ITPR2: variants seen among roughly 807,000 people sequenced by gnomAD.
The protein encoded by ITPR2 is inositol 1,4,5-trisphosphate-gated calcium channel ITPR2.
Under a neutral mutation model 317.1 loss-of-function variants are expected in ITPR2, and 207 were observed. The observed-to-expected ratio is 0.65, with a 90% CI of 0.58 to 0.73. ITPR2 has a LOEUF of 0.73. Ranked by LOEUF, ITPR2 falls within the 30% of genes least tolerant of loss-of-function variation. The pLI is 0.00. For missense variants in ITPR2, 2,613 were observed against 3,284.0 expected (o/e 0.80, Z 4.99); for synonymous variants, 1,156 against 1,149.1 (o/e 1.01, Z -0.12).
At chr12:26,659,005 C>A in intron 16 of ITPR2, 108 bp downstream of exon 16, 1 of 782,870 alleles carries the variant, frequency 1.3e-6, no homozygotes, top group Non-Finnish European at 2.1e-6. Context: ...CATAGTTCGT[C>A]CATAAAAGTT....
chr12:26,400,262 TA>T lies in ITPR2; in HGVS notation c.7400-5del. The T allele has an allele frequency of 1.3e-6, 2 of 1,505,478 alleles. No individual in the cohort carries two copies. The highest frequency in any genetic ancestry group is 1.4e-5 in the South Asian group (1 of 70,550). The allele number at this position is 1,505,478 out of a possible 1,614,324, so 93.3% of individuals were successfully genotyped here. ...CCATCTTCATACTCTTCATCAGCTA[TA>T]AAAACACATACAAATATATGATATA... On this transcript the variant is annotated splice_polypyrimidine_tract_variant and splice_region_variant and intron_variant, in intron 52 of 56. Coordinates refer to ENST00000381340, the MANE Select transcript of ITPR2 (RefSeq NM_002223.4).
At chr12:26,558,704 G>A (rs144003483) in intron 35 of ITPR2, among the ~76,000 whole-genome samples, 25 of 152,070 alleles carry the variant, frequency 1.6e-4, no homozygotes, top group Non-Finnish European at 2.9e-4. Context: ...ATTTTCTTCC[G>A]AGAAATCTCA....
At chr12:26,768,727 C>A (rs1357165538) in intron 2 of ITPR2, among the ~76,000 whole-genome samples, 2 of 151,930 alleles carry the variant, frequency 1.3e-5, no homozygotes, top group Non-Finnish European at 2.9e-5. Flanking sequence ...AATCAGAGTT[C>A]AAGTTGCATA....
chr12:26,813,751 T>C (rs567186174), intron 1 of ITPR2, among the ~76,000 whole-genome samples: 6 of 152,314 alleles, frequency 3.9e-5, no homozygotes, highest in East Asian at 1.9e-4. Flanking sequence ...CATCAGGAAG[T>C]GTACGCCACC....
chr12:26,686,484 G>T lies in ITPR2; in HGVS notation c.1145C>A (p.Pro382Gln). 6.4e-7 allele frequency: 1 copy of T among 1,558,912 alleles called. No individual in the cohort carries two copies. The highest frequency in any genetic ancestry group is 2.3e-5 in the East Asian group (1 of 42,798). The change falls in exon 11 of 57, where the codon CCA (proline) becomes CAA (glutamine). Residue 382 changes from proline to glutamine, a missense_variant. Physicochemically the swap from Pro to Gln is moderately conservative, Grantham distance 76 (BLOSUM62 -1). This residue lies in a region of ITPR2 where 515 missense variants were observed against 789.4 expected (regional missense o/e 0.65). Transcript: ENST00000381340. ...TTTTAACCATAATTTTTTTTACCTT[G>T]GAACCAGGCAGTCAGCTCTCTGAAG... The part of the protein sequence containing the change: ...TTLQRADCLV[P>Q]RNSYVRLRHL...
rs558280892 is a variant in ITPR2 at position 26,578,048 on chromosome 12, G to A, written c.4630+665C>T. ...CTACAAACTGCCTTTCCCAATGTCT[G>A]CAGAGCCACCATTAGTTGAAAGGAT... On this transcript the variant is annotated intron_variant, in intron 34 of 56. Transcript: ENST00000381340. Among the ~76,000 whole-genome samples the A allele has an allele frequency of 1.3e-3, 203 of 152,260 alleles. 1 individual carries two copies. The highest frequency in any genetic ancestry group is 4.7e-3 in the African/African-American group (195 of 41,540).
At chr12:26,486,944 G>T in intron 40 of ITPR2, 124 bp downstream of exon 40, 14 of 994,766 alleles carry the variant, frequency 1.4e-5, no homozygotes, top group Middle Eastern at 2.1e-4. Flanking sequence ...CTTTATGGAT[G>T]ATCAGAGCCA....
intron 50 of ITPR2, among the ~76,000 whole-genome samples, chr12:26,418,542 A>G (rs1046082609): frequency 1.6e-4 from 25 of 152,314 alleles, no homozygotes; most frequent in African/African-American, 4.8e-4. Flanking sequence ...CAGCAAGGAC[A>G]TATTAAACCA....
intron 50 of ITPR2, among the ~76,000 whole-genome samples, chr12:26,415,943 A>G (rs1940707384): frequency 6.6e-6 from 1 of 152,176 alleles, no homozygotes; most frequent in Admixed American, 6.6e-5. Context: ...TGAGTGATGA[A>G]CAATTGACAA....
At chr12:26,506,518 C>A in intron 37 of ITPR2, among the ~76,000 whole-genome samples, 1 of 55,726 alleles carries the variant, frequency 1.8e-5, no homozygotes, top group Non-Finnish European at 3.9e-5. Context: ...GGAATCCTGT[C>A]TCAAAAAAAA....
At chr12:26,341,778 CTTA>C (rs1938120534) in intron 55 of ITPR2, among the ~76,000 whole-genome samples, 1 of 152,198 alleles carries the variant, frequency 6.6e-6, no homozygotes, top group African/African-American at 2.4e-5. Context: ...TCTCAAGGAG[CTTA>C]TGGCTCAGGA....
intron 55 of ITPR2, among the ~76,000 whole-genome samples, chr12:26,377,258 G>C (rs754708473): frequency 1.3e-5 from 2 of 152,142 alleles, no homozygotes; most frequent in African/African-American, 4.8e-5. Flanking sequence ...CACTGCTGCC[G>C]TGTGTTATCA....
chr12:26,488,607 G>A (rs540555515), intron 39 of ITPR2, among the ~76,000 whole-genome samples: 74 of 152,208 alleles, frequency 4.9e-4, no homozygotes, highest in Non-Finnish European at 9.3e-4. Context: ...AAAAAGTCAC[G>A]GTAACCATAG....
intron 37 of ITPR2, among the ~76,000 whole-genome samples, chr12:26,514,769 G>C (rs1373414793): frequency 6.7e-6 from 1 of 150,298 alleles, no homozygotes; most frequent in Non-Finnish European, 1.5e-5. Context: ...TTTCAATTTG[G>C]TTACGCACAA....
chr12:26,764,611 G>A (rs987343918), intron 2 of ITPR2, among the ~76,000 whole-genome samples: 3 of 151,888 alleles, frequency 2.0e-5, no homozygotes, highest in Non-Finnish European at 4.4e-5. Context: ...AGAACTTAAA[G>A]TATAATAAAT....
chr12:26,447,922 T>C (rs1405702940), intron 45 of ITPR2, among the ~76,000 whole-genome samples: 1 of 151,692 alleles, frequency 6.6e-6, no homozygotes, highest in Admixed American at 6.6e-5. Context: ...AGATATTCGA[T>C]TGTCTTAGTG....
At chr12:26,744,827 ACT>A (rs1469990367) in intron 2 of ITPR2, among the ~76,000 whole-genome samples, 2 of 152,040 alleles carry the variant, frequency 1.3e-5, no homozygotes, top group African/African-American at 4.8e-5. Context: ...AAGGAAATAT[ACT>A]CTCTTTTCTT....
At chr12:26,517,671 C>T (rs565497914) in intron 37 of ITPR2, among the ~76,000 whole-genome samples, 2 of 152,270 alleles carry the variant, frequency 1.3e-5, no homozygotes, top group African/African-American at 2.4e-5. Flanking sequence ...AACCACATCT[C>T]TCCTAAAAAT....
chr12:26,430,115 A>G (rs1409205952), intron 48 of ITPR2, among the ~76,000 whole-genome samples: 3 of 152,208 alleles, frequency 2.0e-5, no homozygotes, highest in Admixed American at 6.5e-5. Context: ...ATAGGTTCAT[A>G]CTAAATATAT....
Sources: gnomAD v4.1 joint callset for allele counts (sites outside exome capture counted in the v4.1 genomes callset) on GRCh38, gnomAD v4.1.1 for gene constraint, gnomAD v4.1.1 regional missense constraint, MANE v1.5 for transcripts, NCBI Gene and HGNC (gene_info 2026-07-23, HGNC 2026-07-21) for gene names.